Variants in TET2 observed in about 807,000 individuals in gnomAD.
TET2 encodes the protein tet methylcytosine dioxygenase 2, also known as methylcytosine dioxygenase TET2.
A neutral mutation model predicts 142.9 loss-of-function variants in TET2; 299 were observed. The ratio of observed to expected loss-of-function variants is 2.09; its 90% confidence interval spans 1.90 to 2.30. TET2 has a LOEUF of 2.30. Among genes scored for constraint, TET2 ranks in the 30% most tolerant of loss-of-function variants. TET2 has a pLI of 0.00. For synonymous variants in TET2, 819 were observed against 849.0 expected (o/e 0.96, Z 0.61); for missense variants, 2,418 against 2,378.0 (o/e 1.02, Z -0.35).
intron 2 of TET2, among the ~76,000 whole-genome samples, chr4:105,226,529 C>G (rs1379580227): frequency 6.6e-6 from 1 of 152,016 alleles, no homozygotes; most frequent in Admixed American, 6.6e-5. Flanking sequence ...TGGCATGGTG[C>G]TGTCCTCCTG....
At chr4:105,208,333 G>C (rs1378284312) in intron 2 of TET2, among the ~76,000 whole-genome samples, 1 of 152,046 alleles carries the variant, frequency 6.6e-6, no homozygotes, top group East Asian at 1.9e-4. Flanking sequence ...TGTTTTGGTG[G>C]GAACTGGTAG....
intron 6 of TET2, among the ~76,000 whole-genome samples, chr4:105,253,923 A>C (rs1255471829): frequency 2.0e-5 from 3 of 152,234 alleles, no homozygotes; most frequent in African/African-American, 7.2e-5. Context: ...CCACCTATTG[A>C]TATTACCATA....
intron 1 of TET2, among the ~76,000 whole-genome samples, chr4:105,161,988 G>C (rs1723882948): frequency 6.6e-6 from 1 of 152,026 alleles, no homozygotes; most frequent in Non-Finnish European, 1.5e-5. Context: ...TGGTAGAAAT[G>C]GTTAAATAGA....
chr4:105,263,721 GGAGGTTTTCAAAGTAGAGATTATAAA>G (rs1730554508), intron 8 of TET2, among the ~76,000 whole-genome samples: 2 of 152,104 alleles, frequency 1.3e-5, no homozygotes, highest in South Asian at 4.1e-4. Context: ...AGGAATGAAA[GGAGGTTTTCAAAGTAGAGATTATAAA>G]GAGGACAAAG....
chr4:105,237,281 T>TA lies in TET2; in HGVS notation c.3340dup (p.Thr1114AsnfsTer16), dbSNP rs1376000868. On this transcript the variant is annotated frameshift_variant, in exon 3 of 11. Coordinates refer to ENST00000380013, the MANE Select transcript of TET2 (RefSeq NM_001127208.3). LOFTEE classifies it high-confidence loss of function. ...TAGAGTCACCTTCCAAATTACTAGA[T>TA]ACTCCTATAAAAAATTTATTGGATA... 1.2e-6 allele frequency: 2 copies of TA among 1,614,150 alleles called. No individual in the cohort carries two copies. Among genetic ancestry groups the TA allele is most frequent in the Non-Finnish European group, 8.5e-7 (1 of 1,179,972 alleles).
At chr4:105,268,564 G>A (rs1730802797) in intron 8 of TET2, among the ~76,000 whole-genome samples, 1 of 152,170 alleles carries the variant, frequency 6.6e-6, no homozygotes, top group Non-Finnish European at 1.5e-5. Flanking sequence ...ACTTGGAAAT[G>A]CAAAGGACTT....
At chr4:105,241,625 C>G in intron 4 of TET2, 196 bp downstream of exon 4, 1 of 1,304,390 alleles carries the variant, frequency 7.7e-7, no homozygotes, top group Non-Finnish European at 9.8e-7. Flanking sequence ...GACTAATAGT[C>G]TGCTAGCTGG....
chr4:105,179,112 C>T (rs573524196), intron 1 of TET2, among the ~76,000 whole-genome samples: 5 of 152,304 alleles, frequency 3.3e-5, no homozygotes, highest in Admixed American at 3.3e-4. Flanking sequence ...CCAATTACTT[C>T]CACCTGGTCT....
In TET2 at chr4:105,279,347, A is replaced by G. The variant is rs1332688377; in HGVS notation, c.*2828A>G. The G allele has an allele frequency of 8.6e-6, 2 of 232,274 alleles. No homozygotes were observed. Among genetic ancestry groups the G allele is most frequent in the Non-Finnish European group, 1.7e-5 (2 of 117,526 alleles). 14.4% of individuals were successfully genotyped at this position (232,274 alleles called of 1,614,324 possible). ...AGAAATTGAGTGGCATATTGTAAAT[A>G]TCAGATCTATAATTGTAAATATAAA... is the stretch of plus-strand genomic sequence containing the variant. On this transcript the variant is annotated 3_prime_UTR_variant, in exon 11 of 11. Transcript: ENST00000380013.
chr4:105,244,570 G>C (rs896239762), intron 6 of TET2, among the ~76,000 whole-genome samples: 1 of 146,846 alleles, frequency 6.8e-6, no homozygotes, highest in Middle Eastern at 3.8e-3. Flanking sequence ...GAATGTTCAC[G>C]GTGCTACACA....
At chr4:105,257,018 T>C (rs1165886494) in intron 6 of TET2, among the ~76,000 whole-genome samples, 1 of 152,222 alleles carries the variant, frequency 6.6e-6, no homozygotes, top group Non-Finnish European at 1.5e-5. Flanking sequence ...ATACATGAAA[T>C]AGCTGACTTA....
rs1294089394 is a variant in TET2, at chr4:105,235,175, T to C, written c.1233T>C (p.Pro411=). 3 of 1,613,910 alleles carry C rather than the reference T, an allele frequency of 1.9e-6. No individual in the cohort carries two copies. In the African/African-American group the frequency reaches 4.0e-5, roughly 22 times the overall value. ...AATTGCTTCTTTCTCCCCCTCCTCC[T>C]CTTCCACAGGTTCCTCAGCTTCCTT... ...PSQLLLSPPP[P]LPQVPQLPSE... The change falls in exon 3 of 11, where the codon CCT becomes CCC. Residue 411 remains proline (P), a synonymous_variant. Coordinates refer to ENST00000380013, the MANE Select transcript of TET2 (RefSeq NM_001127208.3).
At chr4:105,206,386 A>G (rs1726826176) in intron 2 of TET2, among the ~76,000 whole-genome samples, 1 of 152,216 alleles carries the variant, frequency 6.6e-6, no homozygotes, top group Non-Finnish European at 1.5e-5. Flanking sequence ...CCTGCTACAC[A>G]GGTATGTAAC....
intron 9 of TET2, 103 bp from the exon 10 acceptor site, chr4:105,272,461 C>G: frequency 1.3e-6 from 1 of 757,480 alleles, no homozygotes; most frequent in South Asian, 2.0e-5. Flanking sequence ...TCAACTAGGC[C>G]ACCAACACAA....
intron 6 of TET2, among the ~76,000 whole-genome samples, chr4:105,251,018 T>A (rs1427619390): frequency 6.6e-6 from 1 of 152,202 alleles, no homozygotes. Context: ...GTATTTTTTT[T>A]ATCCTATTGC....
chr4:105,259,852 C>T (rs1348149995), intron 7 of TET2, 83 bp downstream of exon 7: 1 of 1,335,820 alleles, frequency 7.5e-7, no homozygotes, highest in Non-Finnish European at 1.0e-6. Flanking sequence ...TATGACATAT[C>T]TTGGTAAGCT....
rs544494970 is a variant in TET2, at chr4:105,218,943, G to C, written c.-46-14954G>C. Among the ~76,000 whole-genome samples, 16 of 151,972 alleles carry C rather than the reference G, an allele frequency of 1.1e-4. No homozygotes were observed. The East Asian group carries it at 3.1e-3, about 29-fold the overall frequency. ...AGGCGATCTTAACCTATTTATCAGAGCTTTTCAGATCAAAGAAAATTAGAG... is the reference window on the plus strand; with the variant it reads ...AGGCGATCTTAACCTATTTATCAGACCTTTTCAGATCAAAGAAAATTAGAG... On this transcript the variant is annotated intron_variant, in intron 2 of 10. Transcript: ENST00000380013.
In TET2 at chr4:105,243,723, G is replaced by C. The variant is rs1415830017; in HGVS notation, c.3748G>C (p.Glu1250Gln). ...TGACAAACTCTACTCGGAGCTTACCGAGACGCTGAGGAAATACGGCACGCT... is the reference window on the plus strand; with the variant it reads ...TGACAAACTCTACTCGGAGCTTACCCAGACGCTGAGGAAATACGGCACGCT... ...LADKLYSELT[E>Q]TLRKYGTLTN... is the part of the protein sequence containing the mutation. Residue 1250 changes from glutamate (E) to glutamine (Q), a missense_variant, in exon 6 of 11, where the codon GAG (glutamate) becomes CAG (glutamine). Physicochemically the swap from Glu to Gln is conservative, Grantham distance 29. Transcript: ENST00000380013. 9 of 1,551,532 alleles carry C rather than the reference G, an allele frequency of 5.8e-6. No homozygotes were observed. Among genetic ancestry groups the C allele is most frequent in the Non-Finnish European group, 7.8e-6 (9 of 1,146,926 alleles).
At chr4:105,186,169 G>A (rs553357896) in intron 1 of TET2, among the ~76,000 whole-genome samples, 2 of 152,280 alleles carry the variant, frequency 1.3e-5, no homozygotes, top group Admixed American at 6.5e-5. Context: ...GGTCAGTGCT[G>A]CAGTGAGCCG....
Sources: gnomAD v4.1 joint callset for allele counts (sites outside exome capture counted in the v4.1 genomes callset) on GRCh38, gnomAD v4.1.1 for gene constraint, MANE v1.5 for transcripts, NCBI Gene and HGNC (gene_info 2026-07-23, HGNC 2026-07-21) for gene names.